Variants in ITIH5 observed in about 807,000 individuals in gnomAD.
ITIH5 encodes inter-alpha-trypsin inhibitor heavy chain H5.
In ITIH5, 65 loss-of-function variants were observed where a neutral mutation model predicts 77.5. That is an observed-to-expected ratio of 0.84 (90% confidence interval 0.69 to 1.03). The LOEUF is 1.03. Ranked by LOEUF, ITIH5 falls within the 50% of genes least tolerant of loss-of-function variation. The probability of loss-of-function intolerance (pLI) is 0.00; values close to 1 mark genes in which losing one functional copy is unlikely to be tolerated. For missense variants in ITIH5, 1,208 were observed against 1,213.1 expected (o/e 1.00, Z 0.06); for synonymous variants, 525 against 494.3 (o/e 1.06, Z -0.82).
At position 7,640,475 on chromosome 10, in the gene ITIH5, C is replaced by CAAA. The variant is rs201317420; in HGVS notation, c.401+276_401+278dup. ...CTGGGCAAAGAGTGAGACCTCATTC[C>CAAA]AAAAAAAAAAAAAAAAGGAAAACTG... On this transcript the variant is annotated intron_variant, in intron 4 of 13. Coordinates refer to ENST00000397146, the MANE Select transcript of ITIH5 (RefSeq NM_030569.7). 5.8e-4 allele frequency among the ~76,000 whole-genome samples: 45 copies of CAAA among 77,930 alleles called. 1 individual carries two copies. The highest frequency in any genetic ancestry group is 2.1e-3 in the African/African-American group (45 of 21,808). 51.1% of individuals were successfully genotyped at this position (77,930 alleles called of 152,430 possible). A position where few individuals can be genotyped will look rare whatever the true frequency, so the allele number is the denominator to read the frequency against.
chr10:7,590,723 T>G (rs11255218), intron 7 of ITIH5, among the ~76,000 whole-genome samples: 38,349 of 152,158 alleles, frequency 0.25, 5,428 homozygotes, highest in Admixed American at 0.31. Flanking sequence ...CACGTCTTTG[T>G]GCCCAAGACT....
rs144744160 is a variant in ITIH5 at position 7,566,742 on chromosome 10, G to A, written c.2150-335C>T. On this transcript the variant is annotated intron_variant, in intron 12 of 13. Coordinates refer to ENST00000397146, the MANE Select transcript of ITIH5 (RefSeq NM_030569.7). ...ATCTCATTAAAAAAAAAAAAAAAAA[G>A]AAGAAGAAGAAGAAGAAGAAGAAAG... 5.6e-3 allele frequency among the ~76,000 whole-genome samples: 32 copies of A among 5,694 alleles called. 8 individuals carry two copies. Among genetic ancestry groups the A allele is most frequent in the Non-Finnish European group, 0.012 (19 of 1,594 alleles). The allele number at this position is 5,694 out of a possible 152,430, so 3.7% of individuals were successfully genotyped here.
Position 7,662,850 on chromosome 10 carries a change from T to C in ITIH5, c.90+3953A>G, listed in dbSNP as rs140528974. On this transcript the variant is annotated intron_variant, in intron 1 of 13. Coordinates refer to ENST00000397146, the MANE Select transcript of ITIH5 (RefSeq NM_030569.7). ...TGAATGGCCAGAAGCTTACAAAATC[T>C]TTCACTGGCTTTGTTTTTTAAAGAG... 1.5e-3 allele frequency among the ~76,000 whole-genome samples: 233 copies of C among 152,340 alleles called. 1 individual carries two copies. Among genetic ancestry groups the C allele is most frequent in the African/African-American group, 5.5e-3 (229 of 41,582 alleles).
At chr10:7,597,905 ATTT>A (rs57906694) in intron 7 of ITIH5, among the ~76,000 whole-genome samples, 2 of 150,032 alleles carry the variant, frequency 1.3e-5, no homozygotes, top group Non-Finnish European at 3.0e-5. Flanking sequence ...AAATAATCAG[ATTT>A]TTTTTTTTTA....
intron 1 of ITIH5, among the ~76,000 whole-genome samples, chr10:7,664,455 T>TGC (rs1202330797): frequency 6.6e-6 from 1 of 151,282 alleles, no homozygotes; most frequent in Non-Finnish European, 1.5e-5. Flanking sequence ...CAGAATCATC[T>TGC]GCGCCCCATC....
chr10:7,611,951 CAT>C (rs2131027068), intron 7 of ITIH5, among the ~76,000 whole-genome samples: 1 of 133,428 alleles, frequency 7.5e-6, no homozygotes, highest in East Asian at 2.1e-4. Context: ...GGGTGTGGTT[CAT>C]TGATTACCTT....
intron 5 of ITIH5, chr10:7,618,682 T>A (rs757299879): frequency 5.9e-5 from 9 of 152,230 alleles, no homozygotes; most frequent in Admixed American, 2.0e-4. Context: ...TTAAATGTAC[T>A]CAAGTTGATA....
chr10:7,576,939 C>T lies in ITIH5; in HGVS notation c.1492G>A (p.Ala498Thr). The T allele has an allele frequency of 1.2e-6, 2 of 1,614,116 alleles. No homozygotes were observed. The highest frequency in any genetic ancestry group is 1.7e-6 in the Non-Finnish European group (2 of 1,180,018). ...IDYPPSSVVQ[A>T]TKTLFPNYFN... ...TAGTTGGGGAACAGGGTCTTGGTGG[C>T]CTGCACCACTGAGCTGGGGGGATAA... Residue 498 changes from alanine (A) to threonine (T), a missense_variant, in exon 10 of 14, where the codon GCC (alanine) becomes ACC (threonine). Transcript: ENST00000397146.
intron 13 of ITIH5, among the ~76,000 whole-genome samples, chr10:7,565,779 T>TA (rs150957504): frequency 6.7e-6 from 1 of 148,628 alleles, no homozygotes; most frequent in African/African-American, 2.5e-5. Context: ...TATGCATACA[T>TA]ACAGACTATA....
Position 7,576,529 on chromosome 10 carries a change from C to G in ITIH5, c.1902G>C (p.Glu634Asp). ...TGGCAGCCGACATGCCGTGGGCCTC[C>G]TCCAGGCCATCCATGCGTGGGACCG... ...RGPVPRMDGL[E>D]EAHGMSAAMG... Residue 634 changes from glutamate to aspartate, a missense_variant, in exon 10 of 14, where the codon GAG (glutamate) becomes GAC (aspartate). Transcript: ENST00000397146. The G allele has an allele frequency of 1.2e-6, 2 of 1,612,816 alleles. No individual in the cohort carries two copies. The highest frequency in any genetic ancestry group is 1.7e-6 in the Non-Finnish European group (2 of 1,179,992).
chr10:7,579,544 C>A (rs1190015950), intron 9 of ITIH5, among the ~76,000 whole-genome samples: 4 of 151,316 alleles, frequency 2.6e-5, no homozygotes, highest in Admixed American at 6.6e-5. Flanking sequence ...AAAAAAAAAT[C>A]TTGCCTAAAG....
intron 2 of ITIH5, among the ~76,000 whole-genome samples, chr10:7,654,312 T>C (rs935695960): frequency 2.0e-5 from 3 of 152,202 alleles, no homozygotes; most frequent in African/African-American, 7.2e-5. Context: ...ACAATTTACA[T>C]GTATGTATGT....
At chr10:7,573,743 GATTA>G (rs977458209) in intron 10 of ITIH5, among the ~76,000 whole-genome samples, 2 of 151,624 alleles carry the variant, frequency 1.3e-5, no homozygotes, top group African/African-American at 4.8e-5. Context: ...AAGTGTGTAG[GATTA>G]ATTATTTAAT....
At chr10:7,646,703 T>C (rs1263383599) in intron 2 of ITIH5, among the ~76,000 whole-genome samples, 1 of 152,164 alleles carries the variant, frequency 6.6e-6, no homozygotes, top group Non-Finnish European at 1.5e-5. Flanking sequence ...TCTCATGTTG[T>C]CCCTCAATCC....
intron 5 of ITIH5, among the ~76,000 whole-genome samples, chr10:7,624,749 G>A (rs1243983667): frequency 1.0e-5 from 1 of 99,880 alleles, no homozygotes; most frequent in African/African-American, 3.8e-5. Context: ...TTGTGTCACT[G>A]CACTCCAACC....
intron 7 of ITIH5, among the ~76,000 whole-genome samples, chr10:7,598,645 G>A (rs981541941): frequency 7.2e-5 from 11 of 151,802 alleles, no homozygotes; most frequent in African/African-American, 2.4e-4. Context: ...ATATAATATC[G>A]CAACTCTGAT....
intron 2 of ITIH5, among the ~76,000 whole-genome samples, chr10:7,651,494 G>A (rs567772891): frequency 1.3e-5 from 2 of 152,186 alleles, no homozygotes; most frequent in Non-Finnish European, 2.9e-5. Flanking sequence ...TCTAATCCCA[G>A]GTGCTCGGGA....
intron 8 of ITIH5, among the ~76,000 whole-genome samples, chr10:7,580,661 G>A (rs1247592205): frequency 1.3e-5 from 2 of 152,216 alleles, no homozygotes; most frequent in African/African-American, 2.4e-5. Context: ...AGAGCAGGAA[G>A]GTGTTGAGCA....
chr10:7,643,259 A>T (rs539093461), intron 2 of ITIH5, among the ~76,000 whole-genome samples: 6 of 152,344 alleles, frequency 3.9e-5, no homozygotes, highest in Non-Finnish European at 7.3e-5. Context: ...GTGAGAAAAT[A>T]AATGTATGCT....
Sources: allele counts gnomAD v4.1 joint callset (sites outside exome capture counted in the v4.1 genomes callset), GRCh38; gene constraint gnomAD v4.1.1; transcripts MANE v1.5; gene names NCBI Gene and HGNC (gene_info 2026-07-23, HGNC 2026-07-21).